Variants in FOXP1 observed in about 807,000 individuals in gnomAD.
FOXP1 encodes the protein forkhead box P1, also known as forkhead box protein P1.
Under a neutral mutation model 98.2 loss-of-function variants are expected in FOXP1, and 15 were observed. The observed-to-expected ratio is 0.15, with a 90% confidence interval of 0.10 to 0.24. FOXP1 has a LOEUF of 0.24. Among genes scored for constraint, FOXP1 ranks in the 10% least tolerant of loss-of-function variants. The probability of loss-of-function intolerance (pLI) is 1.00; values close to 1 mark genes in which losing one functional copy is unlikely to be tolerated. For missense variants in FOXP1, 633 were observed against 848.5 expected (o/e 0.75, Z 3.15); for synonymous variants, 371 against 314.5 (o/e 1.18, Z -1.90).
intron 3 of FOXP1, among the ~76,000 whole-genome samples, chr3:71,480,100 G>C (rs1360004876): frequency 6.6e-6 from 1 of 152,182 alleles, no homozygotes; most frequent in East Asian, 1.9e-4. Context: ...GGAGGCTAAC[G>C]CAGAAGAATT....
At chr3:71,358,295 A>G (rs544979331) in intron 4 of FOXP1, among the ~76,000 whole-genome samples, 1 of 150,296 alleles carries the variant, frequency 6.7e-6, no homozygotes, top group Admixed American at 6.5e-5. Context: ...TTGATACTAA[A>G]AAGAAAGACA....
At chr3:71,556,912 A>G (rs2107704014) in intron 2 of FOXP1, among the ~76,000 whole-genome samples, 1 of 152,334 alleles carries the variant, frequency 6.6e-6, no homozygotes, top group East Asian at 1.9e-4. Context: ...AAAGAGAAAG[A>G]TTAAAATCAT....
intron 2 of FOXP1, among the ~76,000 whole-genome samples, chr3:71,496,592 C>A (rs1407804547): frequency 6.6e-6 from 1 of 152,056 alleles, no homozygotes; most frequent in Admixed American, 6.5e-5. Flanking sequence ...GAGGCCGAGG[C>A]GGGCGGATCA....
At chr3:71,038,324 GT>G (rs2047879343) in intron 11 of FOXP1, among the ~76,000 whole-genome samples, 1 of 152,188 alleles carries the variant, frequency 6.6e-6, no homozygotes, top group Admixed American at 6.5e-5. Context: ...AGGTCATGGG[GT>G]CAGATAGTTA....
chr3:71,071,818 G>A (rs148586871), intron 7 of FOXP1, among the ~76,000 whole-genome samples: 7 of 152,080 alleles, frequency 4.6e-5, no homozygotes, highest in South Asian at 4.2e-4. Context: ...TCAGGTGATC[G>A]GCCTGCTTCA....
At chr3:71,150,253 A>C (rs900237201) in intron 6 of FOXP1, among the ~76,000 whole-genome samples, 1 of 152,248 alleles carries the variant, frequency 6.6e-6, no homozygotes, top group Non-Finnish European at 1.5e-5. Context: ...ATGCCCTGGC[A>C]GTGGCAATGC....
At chr3:71,558,489 GT>G (rs543494961) in intron 2 of FOXP1, among the ~76,000 whole-genome samples, 2 of 150,970 alleles carry the variant, frequency 1.3e-5, no homozygotes, top group African/African-American at 4.9e-5. Context: ...TTTGTTTTTT[GT>G]TTTTTTGGAT....
chr3:71,049,021 C>G (rs116435729), intron 9 of FOXP1, among the ~76,000 whole-genome samples: 1 of 152,060 alleles, frequency 6.6e-6, no homozygotes, highest in Non-Finnish European at 1.5e-5. Flanking sequence ...AAAGCAACAC[C>G]GGTTGCCAAA....
intron 6 of FOXP1, chr3:71,130,369 G>A: frequency 2.3e-6 from 2 of 855,734 alleles, no homozygotes; most frequent in South Asian, 1.6e-5. Context: ...AGGGAAGGGG[G>A]AGGAAAAAAA....
At chr3:71,301,287 T>C (rs1056572172) in intron 4 of FOXP1, among the ~76,000 whole-genome samples, 1 of 152,134 alleles carries the variant, frequency 6.6e-6, no homozygotes, top group Non-Finnish European at 1.5e-5. Context: ...GTCCCCAAGA[T>C]TGGTTTCTCC....
intron 7 of FOXP1, among the ~76,000 whole-genome samples, chr3:71,060,543 T>C (rs1390300280): frequency 2.0e-5 from 3 of 152,018 alleles, no homozygotes; most frequent in Admixed American, 6.6e-5. Context: ...ATTAGAGTAA[T>C]TGTACAAAAA....
intron 6 of FOXP1, among the ~76,000 whole-genome samples, chr3:71,141,237 C>T: frequency 7.1e-6 from 1 of 140,240 alleles, no homozygotes; most frequent in African/African-American, 2.8e-5. Context: ...CACCGCATTC[C>T]AGCCTGGTGA....
At chr3:71,271,271 A>C (rs1489906518) in intron 5 of FOXP1, among the ~76,000 whole-genome samples, 3 of 152,244 alleles carry the variant, frequency 2.0e-5, no homozygotes, top group Admixed American at 2.0e-4. Flanking sequence ...ACATATCTAA[A>C]GATCTGTGGT....
At chr3:71,047,156 G>A in intron 9 of FOXP1, 61 bp from the exon 10 acceptor site, 1 of 1,588,554 alleles carries the variant, frequency 6.3e-7, no homozygotes, top group Non-Finnish European at 8.6e-7. Flanking sequence ...TAAAAGTATG[G>A]ACACTTCAAA....
intron 3 of FOXP1, among the ~76,000 whole-genome samples, chr3:71,391,635 C>A (rs991678396): frequency 1.2e-4 from 19 of 152,206 alleles, no homozygotes; most frequent in African/African-American, 4.1e-4. Flanking sequence ...AACTGCGGAG[C>A]GTTACTACAC....
At chr3:71,209,526 C>T (rs1235124679) in intron 5 of FOXP1, among the ~76,000 whole-genome samples, 3 of 152,130 alleles carry the variant, frequency 2.0e-5, no homozygotes, top group South Asian at 2.1e-4. Context: ...GTTTTCCTTA[C>T]AAAATATCAA....
At chr3:71,565,429 C>T (rs2046834552) in intron 2 of FOXP1, among the ~76,000 whole-genome samples, 1 of 152,010 alleles carries the variant, frequency 6.6e-6, no homozygotes, top group African/African-American at 2.4e-5. Flanking sequence ...GCTAAATACA[C>T]ATATTTGGTG....
At chr3:71,316,661 T>TC (rs2075094325) in intron 4 of FOXP1, among the ~76,000 whole-genome samples, 1 of 134,510 alleles carries the variant, frequency 7.4e-6, no homozygotes, top group Non-Finnish European at 1.6e-5. Context: ...GGGCATATTC[T>TC]TTTTTTTTTT....
At chr3:71,222,204 T>C (rs558596071) in intron 5 of FOXP1, among the ~76,000 whole-genome samples, 4 of 151,910 alleles carry the variant, frequency 2.6e-5, no homozygotes, top group Admixed American at 6.6e-5. Flanking sequence ...CCCAGATCCA[T>C]GAGAGGGGCT....
Sources: gnomAD v4.1 joint callset for allele counts (sites outside exome capture counted in the v4.1 genomes callset) on GRCh38, gnomAD v4.1.1 for gene constraint, MANE v1.5 for transcripts, NCBI Gene and HGNC (gene_info 2026-07-23, HGNC 2026-07-21) for gene names.